LARGE1: variants seen among roughly 807,000 people sequenced by gnomAD.
LARGE1 encodes LARGE xylosyl- and glucuronyltransferase 1.
A neutral mutation model predicts 87.6 loss-of-function variants in LARGE1; 43 were observed. That is an observed-to-expected ratio of 0.49 (90% confidence interval 0.38 to 0.63). The LOEUF is 0.63. Ranked by LOEUF, LARGE1 falls within the 30% of genes least tolerant of loss-of-function variation. The pLI, the probability that LARGE1 is intolerant of heterozygous loss-of-function variation, is 0.00. For missense variants in LARGE1, 802 were observed against 1,000.2 expected (o/e 0.80, Z 2.67); for synonymous variants, 434 against 394.6 (o/e 1.10, Z -1.18).
chr22:33,489,164 C>T (rs925563211), intron 6 of LARGE1, among the ~76,000 whole-genome samples: 13 of 152,298 alleles, frequency 8.5e-5, no homozygotes, highest in African/African-American at 2.6e-4. Context: ...GGAGCTTATA[C>T]TGTAGCAGGA....
At chr22:33,458,294 C>T (rs552334217) in intron 6 of LARGE1, among the ~76,000 whole-genome samples, 9 of 151,962 alleles carry the variant, frequency 5.9e-5, no homozygotes, top group South Asian at 2.1e-4. Flanking sequence ...TTAGTGGAGA[C>T]GGGGTTTCAC....
intron 2 of LARGE1, among the ~76,000 whole-genome samples, chr22:33,759,458 C>T (rs999768151): frequency 6.6e-6 from 1 of 152,174 alleles, no homozygotes; most frequent in Non-Finnish European, 1.5e-5. Flanking sequence ...AGCTTATCTG[C>T]CTCATCCCCC....
chr22:33,874,258 A>C (rs2064395475), intron 1 of LARGE1, among the ~76,000 whole-genome samples: 1 of 152,116 alleles, frequency 6.6e-6, no homozygotes, highest in South Asian at 2.1e-4. Flanking sequence ...GGCACGCCTC[A>C]CCTCAAGGAA....
intron 9 of LARGE1, among the ~76,000 whole-genome samples, chr22:33,368,533 CAAA>C (rs34999879): frequency 8.6e-6 from 1 of 115,676 alleles, no homozygotes. Flanking sequence ...GACTCTTTCT[CAAA>C]AAAAAAAAAA....
At chr22:33,821,374 C>A (rs187905419) in intron 1 of LARGE1, among the ~76,000 whole-genome samples, 1 of 152,290 alleles carries the variant, frequency 6.6e-6, no homozygotes, top group Admixed American at 6.5e-5. Flanking sequence ...TGACACACAG[C>A]AAGCAAACAC....
intron 1 of LARGE1, among the ~76,000 whole-genome samples, chr22:33,849,327 A>G (rs2063518933): frequency 6.6e-6 from 1 of 151,936 alleles, no homozygotes; most frequent in Admixed American, 6.6e-5. Flanking sequence ...TCATCAATCA[A>G]TCCCATTCCA....
intron 2 of LARGE1, among the ~76,000 whole-genome samples, chr22:33,676,914 C>T (rs888206418): frequency 6.6e-6 from 1 of 152,166 alleles, no homozygotes; most frequent in Non-Finnish European, 1.5e-5. Context: ...CTCTCAGATT[C>T]TTCAAAGCAA....
chr22:33,272,313 C>G (rs763764965), downstream of LARGE1, among the ~76,000 whole-genome samples: 17 of 152,138 alleles, frequency 1.1e-4, no homozygotes, highest in Non-Finnish European at 2.1e-4. Context: ...GTGTATCTGT[C>G]TGTGTGTGCT....
chr22:33,696,256 TTTCTTTC>T (rs1408675622), intron 2 of LARGE1, among the ~76,000 whole-genome samples: 155 of 115,056 alleles, frequency 1.3e-3, no homozygotes, highest in South Asian at 3.9e-3. Context: ...TCTTTCTTTC[TTTCTTTC>T]TTTTTTTTTT....
chr22:33,373,519 A>G (rs763311247), intron 9 of LARGE1, among the ~76,000 whole-genome samples: 2 of 152,116 alleles, frequency 1.3e-5, no homozygotes, highest in Admixed American at 6.5e-5. Flanking sequence ...AACTTTTGCT[A>G]TATCTTGCTG....
intron 6 of LARGE1, among the ~76,000 whole-genome samples, chr22:33,471,443 G>C (rs1451504160): frequency 6.6e-6 from 1 of 152,134 alleles, no homozygotes; most frequent in African/African-American, 2.4e-5. Context: ...TATTATAACT[G>C]TTGCTTTTAT....
rs763533441 is a variant in LARGE1 at position 33,517,392 on chromosome 22, T to C, written c.787+47456A>G. 1.7e-4 allele frequency among the ~76,000 whole-genome samples: 26 copies of C among 152,142 alleles called. 1 individual carries two copies. The highest frequency in any genetic ancestry group is 3.1e-4 in the Non-Finnish European group (21 of 67,998). On this transcript the variant is annotated intron_variant, in intron 6 of 14. Coordinates refer to ENST00000397394, the MANE Select transcript of LARGE1 (RefSeq NM_133642.5). ...GAGTAGAGCTACAAAAACATACATATAATGCACAAAGAATTCTTTTTTTGA... is the reference window on the plus strand; with the variant it reads ...GAGTAGAGCTACAAAAACATACATACAATGCACAAAGAATTCTTTTTTTGA...
chr22:33,285,354 G>A (rs896343549), intron 12 of LARGE1, among the ~76,000 whole-genome samples: 3 of 152,146 alleles, frequency 2.0e-5, no homozygotes, highest in Non-Finnish European at 4.4e-5. Context: ...GGCCAGGCAT[G>A]GTGGCTCACG....
intron 1 of LARGE1, among the ~76,000 whole-genome samples, chr22:33,823,825 T>C (rs1282017559): frequency 1.3e-5 from 2 of 152,184 alleles, no homozygotes; most frequent in African/African-American, 4.8e-5. Context: ...CTGCAGTTCA[T>C]TCCTCCATGC....
At chr22:33,115,636 T>A in the LARGE1 span, among the ~76,000 whole-genome samples, 1 of 151,480 alleles carries the variant, frequency 6.6e-6, no homozygotes, top group Admixed American at 6.6e-5. Context: ...GCCAACATGG[T>A]GAAACCTCGT....
intron 11 of LARGE1, among the ~76,000 whole-genome samples, chr22:33,259,016 T>C (rs1418874802): frequency 6.6e-6 from 1 of 152,046 alleles, no homozygotes; most frequent in Admixed American, 6.6e-5. Context: ...TAGCTGGGAT[T>C]ATGGGCGCCC....
At chr22:33,437,365 C>G (rs1188786680) in intron 6 of LARGE1, among the ~76,000 whole-genome samples, 2 of 152,194 alleles carry the variant, frequency 1.3e-5, no homozygotes, top group Non-Finnish European at 2.9e-5. Flanking sequence ...CAAATCCTGG[C>G]TCTTCCACTT....
the LARGE1 span, among the ~76,000 whole-genome samples, chr22:33,122,322 C>T: frequency 6.6e-6 from 1 of 151,414 alleles, no homozygotes; most frequent in Non-Finnish European, 1.5e-5. Context: ...TGTTCGTGGG[C>T]AGTATCTAGA....
chr22:33,159,187 T>A (rs999586801), downstream of LARGE1, among the ~76,000 whole-genome samples: 10 of 152,312 alleles, frequency 6.6e-5, no homozygotes, highest in East Asian at 1.9e-3. Flanking sequence ...TCTTCTATCT[T>A]GGCCTTTTCT....
Sources: gnomAD v4.1 joint callset for allele counts (sites outside exome capture counted in the v4.1 genomes callset) on GRCh38, gnomAD v4.1.1 for gene constraint, MANE v1.5 for transcripts, NCBI Gene and HGNC (gene_info 2026-07-23, HGNC 2026-07-21) for gene names.